Variants in CLVS1 observed in about 807,000 individuals in gnomAD.
The protein encoded by CLVS1 is clavesin-1.
Under a neutral mutation model 33.1 loss-of-function variants are expected in CLVS1, and 10 were observed. That is an observed-to-expected ratio of 0.30 (90% confidence interval 0.19 to 0.51). The LOEUF is 0.51. CLVS1 is among the 20% of genes least tolerant of loss of function. CLVS1 has a pLI of 0.97. For missense variants in CLVS1, 343 were observed against 433.4 expected (o/e 0.79, Z 1.85); for synonymous variants, 163 against 166.1 (o/e 0.98, Z 0.14).
At chr8:61,300,327 C>T (rs1393461000) in intron 2 of CLVS1, 45 bp downstream of exon 2, 10 of 1,483,362 alleles carry the variant, frequency 6.7e-6, no homozygotes, top group Middle Eastern at 1.8e-4. Context: ...TTGCTATAAG[C>T]ATTATCACTG....
intron 5 of CLVS1, among the ~76,000 whole-genome samples, chr8:61,467,261 G>A (rs1334051987): frequency 6.6e-6 from 1 of 152,166 alleles, no homozygotes; most frequent in Non-Finnish European, 1.5e-5. Flanking sequence ...CACGCAGAAG[G>A]ATAAGTGATG....
intron 2 of CLVS1, among the ~76,000 whole-genome samples, chr8:61,326,335 G>T (rs1811383868): frequency 6.6e-6 from 1 of 152,238 alleles, no homozygotes; most frequent in African/African-American, 2.4e-5. Context: ...TCACTCATTC[G>T]ATTGCATTTA....
At chr8:60,967,471 T>C in the CLVS1 span, 3 of 339,116 alleles carry the variant, frequency 8.8e-6, no homozygotes, top group East Asian at 9.0e-5. Flanking sequence ...CATAGAGACA[T>C]AAATCGTGAA....
intron 2 of CLVS1, among the ~76,000 whole-genome samples, chr8:61,352,859 A>C (rs183758446): frequency 6.6e-6 from 1 of 152,178 alleles, no homozygotes; most frequent in Admixed American, 6.6e-5. Context: ...TAGCATTTAC[A>C]TAGCATTAAG....
chr8:61,490,925 C>A (rs1419878090), intron 5 of CLVS1, among the ~76,000 whole-genome samples: 1 of 149,912 alleles, frequency 6.7e-6, no homozygotes, highest in Non-Finnish European at 1.5e-5. Flanking sequence ...CGCACCACTG[C>A]ACTCCAGCCT....
chr8:61,151,545 G>A (rs1399763406), intron 2 of CLVS1, among the ~76,000 whole-genome samples: 2 of 152,138 alleles, frequency 1.3e-5, no homozygotes, highest in African/African-American at 4.8e-5. Context: ...AGTGAGAATA[G>A]GGCCCTAAGG....
intron 3 of CLVS1, among the ~76,000 whole-genome samples, chr8:61,427,021 A>T (rs1001492435): frequency 6.6e-6 from 1 of 152,226 alleles, no homozygotes; most frequent in Admixed American, 6.5e-5. Context: ...TGTAAACCAG[A>T]CAACTCATAA....
At chr8:61,342,324 G>A (rs1812053341) in intron 2 of CLVS1, among the ~76,000 whole-genome samples, 1 of 152,176 alleles carries the variant, frequency 6.6e-6, no homozygotes, top group Non-Finnish European at 1.5e-5. Context: ...GTTCAGCAGA[G>A]CCCTGAAAAG....
At chr8:61,121,001 A>T (rs538644719) in intron 1 of CLVS1, among the ~76,000 whole-genome samples, 5 of 150,636 alleles carry the variant, frequency 3.3e-5, no homozygotes, top group Admixed American at 6.6e-5. Flanking sequence ...TTGATCTCAG[A>T]CTGCTGTGCT....
chr8:61,248,712 T>TAG (rs1227238405), intron 2 of CLVS1, among the ~76,000 whole-genome samples: 6 of 152,122 alleles, frequency 3.9e-5, no homozygotes, highest in Non-Finnish European at 8.8e-5. Flanking sequence ...AGACAATGCT[T>TAG]AGAGTGCAAA....
chr8:61,253,316 A>G (rs2978494), intron 2 of CLVS1, among the ~76,000 whole-genome samples: 22,120 of 152,058 alleles, frequency 0.15, 3,392 homozygotes, highest in East Asian at 0.68. Flanking sequence ...ACTTCCCTTT[A>G]TGGGTAACCT....
intron 2 of CLVS1, among the ~76,000 whole-genome samples, chr8:61,267,954 A>G (rs895851088): frequency 1.4e-4 from 21 of 152,132 alleles, no homozygotes; most frequent in African/African-American, 4.8e-4. Context: ...TGGATCGATC[A>G]GAGGAGGAGA....
intron 1 of CLVS1, among the ~76,000 whole-genome samples, chr8:61,073,829 G>A (rs1479723821): frequency 6.6e-6 from 1 of 151,206 alleles, no homozygotes; most frequent in African/African-American, 2.4e-5. Context: ...TGGCTAACAC[G>A]GTGAAACCCC....
intron 3 of CLVS1, chr8:61,377,524 T>C (rs1813695976): frequency 6.6e-6 from 1 of 152,218 alleles, no homozygotes; most frequent in African/African-American, 2.4e-5. Flanking sequence ...ATAGGCAGAT[T>C]AACTCTATGG....
chr8:61,068,473 G>T (rs1368547294), intron 1 of CLVS1, among the ~76,000 whole-genome samples: 1 of 151,794 alleles, frequency 6.6e-6, no homozygotes, highest in African/African-American at 2.4e-5. Flanking sequence ...CCTCAAGCTT[G>T]CAGGGTGTTC....
At chr8:61,421,332 C>G (rs1815655456) in intron 3 of CLVS1, among the ~76,000 whole-genome samples, 1 of 152,104 alleles carries the variant, frequency 6.6e-6, no homozygotes, top group African/African-American at 2.4e-5. Context: ...GTATATAAAG[C>G]AATGCCCTGC....
At chr8:61,393,897 G>C (rs1409063696) in intron 3 of CLVS1, among the ~76,000 whole-genome samples, 1 of 152,144 alleles carries the variant, frequency 6.6e-6, no homozygotes. Context: ...ATGCTAGCAG[G>C]GAAGTTGTCA....
chr8:60,982,284 C>G, the CLVS1 span, among the ~76,000 whole-genome samples: 1 of 152,170 alleles, frequency 6.6e-6, no homozygotes, highest in African/African-American at 2.4e-5. Flanking sequence ...AATTTAGGAG[C>G]TGGGACACCA....
chr8:61,093,956 G>A (rs1805300873), intron 1 of CLVS1, among the ~76,000 whole-genome samples: 1 of 152,216 alleles, frequency 6.6e-6, no homozygotes, highest in Non-Finnish European at 1.5e-5. Context: ...CTTCATCCCA[G>A]ACAATGTGCC....
Sources: gnomAD v4.1 joint callset for allele counts (sites outside exome capture counted in the v4.1 genomes callset) on GRCh38, gnomAD v4.1.1 for gene constraint, MANE v1.5 for transcripts, NCBI Gene and HGNC (gene_info 2026-07-23, HGNC 2026-07-21) for gene names.